The following RTN4RL1 variants were observed in gnomAD, a reference collection of about 807,000 sequenced individuals.
RTN4RL1 encodes reticulon-4 receptor-like 1.
RTN4RL1 carries 7 observed loss-of-function variants against 25.6 expected under a neutral mutation model. The observed-to-expected ratio is 0.27, with a 90% CI of 0.16 to 0.51. The LOEUF is 0.51. Among genes scored for constraint, RTN4RL1 ranks in the 20% least tolerant of loss-of-function variants. The pLI is 0.97. For missense variants in RTN4RL1, 500 were observed against 615.6 expected (o/e 0.81, Z 1.99); for synonymous variants, 297 against 288.2 (o/e 1.03, Z -0.31).
chr17:2,013,694 G>T lies in RTN4RL1; in HGVS notation c.13+11159C>A, dbSNP rs1204359916. Among the ~76,000 whole-genome samples the T allele has an allele frequency of 1.8e-5, 2 of 111,330 alleles. 1 individual carries two copies. Among genetic ancestry groups the T allele is most frequent in the African/African-American group, 7.4e-5 (2 of 27,088 alleles). The allele number at this position is 111,330 out of a possible 152,430, so 73.0% of individuals were successfully genotyped here. A position where few individuals can be genotyped will look rare whatever the true frequency, so the allele number is the denominator to read the frequency against. ...TAAATACCCCAGCTGTCTCACCCTG[G>T]AACATAAATACGCCAGCTCCCTCAC... On this transcript the variant is annotated intron_variant, in intron 1 of 1. Transcript: ENST00000331238.
intron 1 of RTN4RL1, among the ~76,000 whole-genome samples, chr17:2,008,269 C>CAA (rs1312756963): frequency 4.3e-5 from 4 of 93,258 alleles, no homozygotes; most frequent in Admixed American, 1.2e-4. Flanking sequence ...GACTCCATCT[C>CAA]AAAAAAAAAA....
Position 2,021,942 on chromosome 17 carries a change from C to T in RTN4RL1, c.13+2911G>A, listed in dbSNP as rs372231895. Among the ~76,000 whole-genome samples, 7 of 151,116 alleles carry T rather than the reference C, an allele frequency of 4.6e-5. No individual in the cohort carries two copies. The South Asian group carries it at 8.4e-4, about 18-fold the overall frequency. On this transcript the variant is annotated intron_variant, in intron 1 of 1. Transcript: ENST00000331238. ...TGTACAATCTCGGCCCACTGCAGCC[C>T]CCACCTCTCAGACTCAAGTGATCCT...
intron 1 of RTN4RL1, among the ~76,000 whole-genome samples, chr17:1,985,184 T>TTGAA (rs923630815): frequency 6.6e-6 from 1 of 152,224 alleles, no homozygotes; most frequent in African/African-American, 2.4e-5. Flanking sequence ...GGGATTGGAT[T>TTGAA]TGAACCTGGG....
chr17:2,014,368 G>A (rs754645369), intron 1 of RTN4RL1, among the ~76,000 whole-genome samples: 3 of 152,172 alleles, frequency 2.0e-5, no homozygotes, highest in Non-Finnish European at 4.4e-5. Context: ...ACAGGGATGT[G>A]CAGAGCCCCA....
At chr17:1,957,688 G>A (rs7359502) in intron 1 of RTN4RL1, among the ~76,000 whole-genome samples, 73,163 of 151,456 alleles carry the variant, frequency 0.48, 18,967 homozygotes, top group Non-Finnish European at 0.6. Context: ...TAAAAATACA[G>A]AAATTAGCCG....
At chr17:2,005,958 G>A (rs563895400) in intron 1 of RTN4RL1, among the ~76,000 whole-genome samples, 12 of 150,806 alleles carry the variant, frequency 8.0e-5, no homozygotes, top group Admixed American at 4.0e-4. Flanking sequence ...CGCCACGCCC[G>A]CCTTATTTTT....
chr17:1,952,844 A>G lies in RTN4RL1; in HGVS notation c.14-15036T>C, dbSNP rs574646185. 5.1e-3 allele frequency among the ~76,000 whole-genome samples: 765 copies of G among 150,986 alleles called. 3 individuals carry two copies. The highest frequency in any genetic ancestry group is 8.2e-3 in the Non-Finnish European group (553 of 67,802). ...GTAATCCCAGCACTTTGGGAGGCTGAGGGGGGTTGATCACCTGAGGTCAGG... is the reference window on the plus strand; with the variant it reads ...GTAATCCCAGCACTTTGGGAGGCTGGGGGGGGTTGATCACCTGAGGTCAGG... On this transcript the variant is annotated intron_variant, in intron 1 of 1. Transcript: ENST00000331238.
chr17:1,936,372 A>C lies in RTN4RL1; in HGVS notation c.*124T>G. ...GGCAGGGTCCAGACGTCCAGACAGC[A>C]GCCGAAGGCTCTACCAGCCTTTTCC... On this transcript the variant is annotated 3_prime_UTR_variant, in exon 2 of 2. Transcript: ENST00000331238. The C allele has an allele frequency of 3.5e-6, 5 of 1,442,916 alleles. No individual in the cohort carries two copies. The highest frequency in any genetic ancestry group is 4.5e-6 in the Non-Finnish European group (5 of 1,104,048). 89.4% of individuals were successfully genotyped at this position (1,442,916 alleles called of 1,614,324 possible).
chr17:1,994,089 C>T lies in RTN4RL1; in HGVS notation c.13+30764G>A, dbSNP rs935707355. Among the ~76,000 whole-genome samples, 4 of 152,246 alleles carry T rather than the reference C, an allele frequency of 2.6e-5. 1 individual carries two copies. The South Asian group carries it at 8.3e-4, about 32-fold the overall frequency. The stretch of plus-strand genomic sequence containing the variant: ...CCCCGTTCCTCAGGACACGTGCACT[C>T]GAACCTCGCCGCTCCGGGTCCCAAT... On this transcript the variant is annotated intron_variant, in intron 1 of 1. Coordinates refer to ENST00000331238, the MANE Select transcript of RTN4RL1 (RefSeq NM_178568.4). The surrounding 1 kb of genome is among the most constrained non-coding windows in gnomAD (Gnocchi z 4.3).
At chr17:1,950,846 CAAAAAAAAA>C (rs61660812) in intron 1 of RTN4RL1, among the ~76,000 whole-genome samples, 6 of 17,800 alleles carry the variant, frequency 3.4e-4, no homozygotes, top group Non-Finnish European at 4.7e-4. Context: ...ACACAGTCTC[CAAAAAAAAA>C]AAAAAAAAAA....
chr17:1,979,475 TAAAAAAAAGA>T (rs2066857527), intron 1 of RTN4RL1, among the ~76,000 whole-genome samples: 1 of 148,990 alleles, frequency 6.7e-6, no homozygotes, highest in Non-Finnish European at 1.5e-5. Context: ...AGACCCTGTC[TAAAAAAAAGA>T]AAAAAAAAGA....
chr17:2,023,706 G>A (rs1040423718), intron 1 of RTN4RL1: 3 of 5,314 alleles, frequency 5.6e-4, no homozygotes, highest in Admixed American at 1.3e-3. Flanking sequence ...CCCCCTCCCC[G>A]TGCGCGTTTT....
chr17:1,973,168 GC>G (rs780742001), intron 1 of RTN4RL1, among the ~76,000 whole-genome samples: 1 of 151,822 alleles, frequency 6.6e-6, no homozygotes, highest in Non-Finnish European at 1.5e-5. Flanking sequence ...TTCAAGACCG[GC>G]CTGGCCAACA....
At chr17:2,012,755 T>C (rs1384279076) in intron 1 of RTN4RL1, among the ~76,000 whole-genome samples, 2 of 152,150 alleles carry the variant, frequency 1.3e-5, no homozygotes, top group Non-Finnish European at 2.9e-5. Context: ...GATCCAGCAC[T>C]TTTTACCTAA....
At chr17:1,946,350 G>T (rs1413753347) in intron 1 of RTN4RL1, among the ~76,000 whole-genome samples, 1 of 152,252 alleles carries the variant, frequency 6.6e-6, no homozygotes, top group Non-Finnish European at 1.5e-5. Flanking sequence ...CAAACACCAT[G>T]CGTCCCGCTC....
At chr17:1,945,448 C>A (rs1190536579) in intron 1 of RTN4RL1, among the ~76,000 whole-genome samples, 1 of 152,138 alleles carries the variant, frequency 6.6e-6, no homozygotes. Context: ...GTCTTGAACT[C>A]CCAACCTCTT....
chr17:1,951,640 G>A, intron 1 of RTN4RL1, among the ~76,000 whole-genome samples: 1 of 152,036 alleles, frequency 6.6e-6, no homozygotes, highest in East Asian at 1.9e-4. Context: ...TAGTAGAGAT[G>A]GGGTTTCACC....
At chr17:2,021,618 G>C (rs1437063549) in intron 1 of RTN4RL1, among the ~76,000 whole-genome samples, 1 of 141,968 alleles carries the variant, frequency 7.0e-6, no homozygotes, top group Non-Finnish European at 1.5e-5. Flanking sequence ...GCAGTGGTGC[G>C]ATCTTGGCTC....
At chr17:1,971,981 T>TAAAAAAA in intron 1 of RTN4RL1, among the ~76,000 whole-genome samples, 1 of 91,618 alleles carries the variant, frequency 1.1e-5, no homozygotes, top group Admixed American at 9.7e-5. Context: ...AAAAAAAAAT[T>TAAAAAAA]TTAAACATTA....
Sources: gnomAD v4.1 joint callset for allele counts (sites outside exome capture counted in the v4.1 genomes callset) on GRCh38, gnomAD v4.1.1 for gene constraint, Gnocchi (gnomAD v3.1) non-coding constraint, MANE v1.5 for transcripts, NCBI Gene and HGNC (gene_info 2026-07-23, HGNC 2026-07-21) for gene names.